Variants in ITGA11 observed in about 807,000 individuals in gnomAD.
The protein encoded by ITGA11 is integrin subunit alpha 11.
ITGA11 carries 97 observed loss-of-function variants against 141.9 expected under a neutral mutation model. The observed-to-expected ratio is 0.68, with a 90% CI of 0.58 to 0.81. The LOEUF is 0.81. ITGA11 is among the 30% of genes least tolerant of loss of function. The pLI, the probability that ITGA11 is intolerant of heterozygous loss-of-function variation, is 0.00. For missense variants in ITGA11, 1,387 were observed against 1,559.2 expected (o/e 0.89, Z 1.86); for synonymous variants, 658 against 624.6 (o/e 1.05, Z -0.80).
Position 68,358,598 on chromosome 15 carries a change from G to A in ITGA11, c.473-13C>T. The A allele has an allele frequency of 6.2e-7, 1 of 1,607,530 alleles. No homozygotes were observed. The highest frequency in any genetic ancestry group is 1.3e-5 in the African/African-American group (1 of 74,824). ...TAGGTCTGGCACCCTGGAAAGTGGG[G>A]ACACAGTTATGGCTACCCAAGGAGC... On this transcript the variant is annotated splice_polypyrimidine_tract_variant and intron_variant, in intron 5 of 29. Coordinates refer to ENST00000315757, the MANE Select transcript of ITGA11 (RefSeq NM_001004439.2).
chr15:68,377,063 CT>C (rs1390583639), intron 2 of ITGA11, among the ~76,000 whole-genome samples: 1 of 152,214 alleles, frequency 6.6e-6, no homozygotes, highest in East Asian at 1.9e-4. Flanking sequence ...ACAGCCATCT[CT>C]GACCATCTAG....
chr15:68,332,548 C>G (rs1458643714), intron 12 of ITGA11, 70 bp from the exon 13 acceptor site: 3 of 1,528,706 alleles, frequency 2.0e-6, no homozygotes, highest in Non-Finnish European at 1.8e-6. Flanking sequence ...CCTCGCCTCG[C>G]GGGCAGAGGG....
intron 1 of ITGA11, among the ~76,000 whole-genome samples, chr15:68,430,957 C>G (rs1273160845): frequency 6.6e-6 from 1 of 152,234 alleles, no homozygotes; most frequent in African/African-American, 2.4e-5. Flanking sequence ...CTCCCACTAC[C>G]ACCGCATCTG....
At chr15:68,351,520 A>C (rs923372275) in intron 7 of ITGA11, 118 bp from the exon 8 acceptor site, 1 of 1,118,310 alleles carries the variant, frequency 8.9e-7, no homozygotes, top group Non-Finnish European at 1.3e-6. Flanking sequence ...GGGCAACCCA[A>C]CAGGTGCCAG....
Position 68,312,868 on chromosome 15 carries a change from G to A in ITGA11, c.2883-5C>T, listed in dbSNP as rs764908959. 6.9e-6 allele frequency: 11 copies of A among 1,605,086 alleles called. No homozygotes were observed. Among genetic ancestry groups the A allele is most frequent in the East Asian group, 4.5e-5 (2 of 44,808 alleles). On this transcript the variant is annotated splice_polypyrimidine_tract_variant and splice_region_variant and intron_variant, in intron 23 of 29. Coordinates refer to ENST00000315757, the MANE Select transcript of ITGA11 (RefSeq NM_001004439.2). ...TAGTGGCTCAGGCTGCTGCTCCTGC[G>A]GAGACAGAGGACAGGGCTGTCGTGA... is the stretch of plus-strand genomic sequence containing the variant.
chr15:68,365,320 G>A (rs1895384776), intron 3 of ITGA11: 2 of 985,420 alleles, frequency 2.0e-6, no homozygotes, highest in Non-Finnish European at 2.4e-6. Context: ...CCAACTCAAC[G>A]AGAGCCTTCC....
chr15:68,384,176 G>A (rs963301852), intron 2 of ITGA11, among the ~76,000 whole-genome samples: 2 of 151,392 alleles, frequency 1.3e-5, no homozygotes, highest in Non-Finnish European at 2.9e-5. Flanking sequence ...TCCATCTCTG[G>A]TTGACCAGTT....
Position 68,310,482 on chromosome 15 carries a change from C to T in ITGA11, c.3174+512G>A, listed in dbSNP as rs139159513. Among the ~76,000 whole-genome samples, 3 of 152,258 alleles carry T rather than the reference C, an allele frequency of 2.0e-5. No individual in the cohort carries two copies. In the East Asian group the frequency reaches 5.8e-4, roughly 29 times the overall value. Reference sequence around the variant, plus strand: ...AACTGGTATCTGGAGGCAGAGGCAACCCTGAGAATGCAAACTGGAAATGAG... The same window carrying T: ...AACTGGTATCTGGAGGCAGAGGCAATCCTGAGAATGCAAACTGGAAATGAG... On this transcript the variant is annotated intron_variant, in intron 26 of 29. Transcript: ENST00000315757.
chr15:68,389,451 T>C (rs1896064220), intron 2 of ITGA11, among the ~76,000 whole-genome samples: 1 of 152,196 alleles, frequency 6.6e-6, no homozygotes, highest in Non-Finnish European at 1.5e-5. Context: ...GCTGCTTCTG[T>C]TCTGTGTCCC....
At chr15:68,354,422 C>T (rs562679194) in intron 7 of ITGA11, among the ~76,000 whole-genome samples, 1 of 152,236 alleles carries the variant, frequency 6.6e-6, no homozygotes, top group South Asian at 2.1e-4. Context: ...TGATTACACT[C>T]CTGTACTCAA....
chr15:68,317,374 G>C lies in ITGA11; in HGVS notation c.2617-11C>G. The C allele has an allele frequency of 6.3e-7, 1 of 1,591,152 alleles. No individual in the cohort carries two copies. The highest frequency in any genetic ancestry group is 2.2e-5 in the East Asian group (1 of 44,748). ...ACCGTCTGAGTCCTCCTGGAGGTGG[G>C]TGGCAGACATCATGGCAGCAGTTAG... On this transcript the variant is annotated splice_polypyrimidine_tract_variant and intron_variant, in intron 20 of 29. Coordinates refer to ENST00000315757, the MANE Select transcript of ITGA11 (RefSeq NM_001004439.2).
At chr15:68,365,504 C>T (rs76403292) in intron 3 of ITGA11, 3,868 of 182,888 alleles carry the variant, frequency 0.021, 164 homozygotes, top group African/African-American at 0.087. Context: ...TGGAGGCCAC[C>T]GAAGGAAAGG....
chr15:68,355,048 G>A (rs538870711), intron 7 of ITGA11, among the ~76,000 whole-genome samples: 1 of 152,272 alleles, frequency 6.6e-6, no homozygotes, highest in African/African-American at 2.4e-5. Flanking sequence ...AGTCACACAC[G>A]GATAACTGAG....
At chr15:68,408,018 G>A (rs1259252326) in intron 1 of ITGA11, among the ~76,000 whole-genome samples, 51 of 152,216 alleles carry the variant, frequency 3.4e-4, no homozygotes, top group Admixed American at 3.1e-3. Context: ...GCTTCCCAGG[G>A]ATCTTGGGAG....
At position 68,325,353 on chromosome 15, in the gene ITGA11, G is replaced by C; in HGVS notation, c.2212-112C>G. The C allele has an allele frequency of 2.7e-6, 2 of 727,636 alleles. No individual in the cohort carries two copies. The highest frequency in any genetic ancestry group is 5.3e-5 in the East Asian group (2 of 37,546). 45.1% of individuals were successfully genotyped at this position (727,636 alleles called of 1,614,324 possible). On this transcript the variant is annotated intron_variant, in intron 17 of 29. Coordinates refer to ENST00000315757, the MANE Select transcript of ITGA11 (RefSeq NM_001004439.2). This position sits in a 1 kb window ranked among gnomAD's most constrained non-coding sequence, Gnocchi z 5.5. ...ACCTTCCTTAGATGGCAGGGCAGCT[G>C]CCCTGTGCCCTCAGGGTGAGTCTGC... is the stretch of plus-strand genomic sequence containing the variant.
chr15:68,369,611 G>A (rs971474884), intron 2 of ITGA11, among the ~76,000 whole-genome samples: 8 of 152,238 alleles, frequency 5.3e-5, no homozygotes, highest in African/African-American at 1.9e-4. Flanking sequence ...TGGGTCTTAA[G>A]GGATGAATAT....
intron 9 of ITGA11, among the ~76,000 whole-genome samples, chr15:68,349,591 C>T (rs971276649): frequency 3.3e-5 from 5 of 152,170 alleles, no homozygotes; most frequent in South Asian, 2.1e-4. Flanking sequence ...TTAGTCTCTT[C>T]GTGTGTCTGT....
Position 68,350,791 on chromosome 15 carries a change from G to C in ITGA11, c.895-9C>G, listed in dbSNP as rs768160970. The C allele has an allele frequency of 6.2e-7, 1 of 1,608,952 alleles. No individual in the cohort carries two copies. The highest frequency in any genetic ancestry group is 1.7e-5 in the Admixed American group (1 of 59,680). ...TTGTAGTAGCCCAGGACCTGCCAGG[G>C]AACAGGGGCAGGAACCACAAACCAG... On this transcript the variant is annotated splice_polypyrimidine_tract_variant and intron_variant, in intron 8 of 29. Coordinates refer to ENST00000315757, the MANE Select transcript of ITGA11 (RefSeq NM_001004439.2).
chr15:68,351,478 G>A, intron 7 of ITGA11, 76 bp from the exon 8 acceptor site: 3 of 1,518,034 alleles, frequency 2.0e-6, no homozygotes, highest in African/African-American at 1.4e-5. Flanking sequence ...CTGCAGAGGG[G>A]CAGCCACAGA....
Sources: gnomAD v4.1 joint callset for allele counts (sites outside exome capture counted in the v4.1 genomes callset) on GRCh38, gnomAD v4.1.1 for gene constraint, Gnocchi (gnomAD v3.1) non-coding constraint, MANE v1.5 for transcripts, NCBI Gene and HGNC (gene_info 2026-07-23, HGNC 2026-07-21) for gene names.